RSPH14: variants seen among roughly 807,000 people sequenced by gnomAD.
RSPH14 encodes the protein rhabdoid tumor deletion region gene 1.
Under a neutral mutation model 26.7 loss-of-function variants are expected in RSPH14, and 20 were observed. That is an observed-to-expected ratio of 0.75 (90% CI 0.53 to 1.09). The LOEUF (loss-of-function observed/expected upper bound fraction) is 1.09. Ranked by LOEUF, RSPH14 falls within the 50% of genes least tolerant of loss-of-function variation. The pLI, the probability that RSPH14 is intolerant of heterozygous loss-of-function variation, is 0.00. For missense variants in RSPH14, 449 were observed against 457.2 expected (o/e 0.98, Z 0.16); for synonymous variants, 177 against 189.3 (o/e 0.93, Z 0.53).
At chr22:23,179,331 T>C in the RSPH14 span, among the ~76,000 whole-genome samples, 2 of 152,152 alleles carry the variant, frequency 1.3e-5, no homozygotes, top group Non-Finnish European at 2.9e-5. Flanking sequence ...CCTGTTTCCT[T>C]TTCCCCCAAC....
the RSPH14 span, among the ~76,000 whole-genome samples, chr22:23,176,563 C>G: frequency 6.6e-6 from 1 of 152,160 alleles, no homozygotes; most frequent in East Asian, 1.9e-4. Context: ...TTGACTCCGC[C>G]AGACTTTGTC....
At chr22:23,102,962 G>T (rs768227294) in intron 4 of RSPH14, among the ~76,000 whole-genome samples, 4 of 152,256 alleles carry the variant, frequency 2.6e-5, no homozygotes, top group Non-Finnish European at 5.9e-5. Context: ...GAAGGCAGGA[G>T]TCAGTCTCTT....
chr22:23,067,452 C>T (rs1425288236), intron 4 of RSPH14, among the ~76,000 whole-genome samples: 1 of 152,206 alleles, frequency 6.6e-6, no homozygotes, highest in Non-Finnish European at 1.5e-5. Context: ...ACTGCACATC[C>T]ACACATGGCA....
rs1446528057 is a variant in RSPH14, at chr22:23,092,883, C to T, written c.422-28750G>A. On this transcript the variant is annotated intron_variant, in intron 4 of 6. Coordinates refer to ENST00000216036, the MANE Select transcript of RSPH14 (RefSeq NM_014433.3). ...GAATTGAGAAGAACAGTCATGACAA[C>T]AGAGGACACCTCCCACTGGGTTGGA... Among the ~76,000 whole-genome samples the T allele has an allele frequency of 2.0e-5, 3 of 152,358 alleles. No individual in the cohort carries two copies. The East Asian group carries it at 5.8e-4, about 29-fold the overall frequency.
At chr22:23,066,762 G>A (rs189758657) in intron 4 of RSPH14, among the ~76,000 whole-genome samples, 185 of 152,262 alleles carry the variant, frequency 1.2e-3, no homozygotes, top group Non-Finnish European at 2.2e-3. Context: ...GGGGGTGGGG[G>A]GTGGTTGCAG....
intron 4 of RSPH14, among the ~76,000 whole-genome samples, chr22:23,067,380 G>A (rs963204190): frequency 3.3e-5 from 5 of 152,152 alleles, no homozygotes; most frequent in African/African-American, 1.2e-4. Context: ...AGCCAATGAG[G>A]GCTCAGGACA....
chr22:23,171,569 C>T, the RSPH14 span, among the ~76,000 whole-genome samples: 6 of 152,038 alleles, frequency 3.9e-5, no homozygotes, highest in East Asian at 1.9e-4. Context: ...TCATGCTGAG[C>T]GCGGTGGCTC....
chr22:23,110,749 A>G (rs921664662), intron 4 of RSPH14, among the ~76,000 whole-genome samples: 1 of 152,186 alleles, frequency 6.6e-6, no homozygotes, highest in African/African-American at 2.4e-5. Flanking sequence ...GTCTGCAGAG[A>G]GTTCATGCCA....
intron 4 of RSPH14, among the ~76,000 whole-genome samples, chr22:23,069,323 T>C (rs2068283160): frequency 6.6e-6 from 1 of 152,208 alleles, no homozygotes. Flanking sequence ...GCATTTGCAC[T>C]TTGTCAGGGA....
chr22:23,161,014 A>C, the RSPH14 span: 1 of 1,588,740 alleles, frequency 6.3e-7, no homozygotes, highest in African/African-American at 1.3e-5. Flanking sequence ...TATAGGTGTG[A>C]CTGGGTTGGG....
At chr22:23,060,868 G>A (rs1039337218) in intron 6 of RSPH14, among the ~76,000 whole-genome samples, 1 of 152,120 alleles carries the variant, frequency 6.6e-6, no homozygotes, top group Admixed American at 6.5e-5. Context: ...ATCTCCCTGG[G>A]TCTCAGCCTC....
chr22:23,091,459 T>TAC (rs150968445), intron 4 of RSPH14, among the ~76,000 whole-genome samples: 1 of 134,134 alleles, frequency 7.5e-6, no homozygotes, highest in Admixed American at 7.4e-5. Flanking sequence ...GTCCTATGCA[T>TAC]ACACACACAC....
chr22:23,153,023 T>TCC, the RSPH14 span: 1 of 1,605,534 alleles, frequency 6.2e-7, no homozygotes, highest in East Asian at 2.2e-5. Flanking sequence ...GACTTCCTCA[T>TCC]CCCCCACAGG....
At chr22:23,063,495 T>C (rs2068133750) in intron 5 of RSPH14, among the ~76,000 whole-genome samples, 2 of 152,192 alleles carry the variant, frequency 1.3e-5, no homozygotes, top group Non-Finnish European at 2.9e-5. Flanking sequence ...CACAAGACAC[T>C]GCCTCCTTTT....
At chr22:23,145,559 A>C, upstream of RSPH14, 2 of 1,598,266 alleles carry the variant, frequency 1.3e-6, no homozygotes, top group Non-Finnish European at 1.7e-6. Flanking sequence ...CTGGTGAGTC[A>C]GCTCGCCCAC....
At chr22:23,062,992 G>A (rs905005386) in intron 5 of RSPH14, among the ~76,000 whole-genome samples, 10 of 152,194 alleles carry the variant, frequency 6.6e-5, no homozygotes, top group African/African-American at 4.8e-5. Context: ...AGCTCCCCTC[G>A]GGGATGACAC....
chr22:23,123,407 T>A, intron 4 of RSPH14: 1 of 1,613,052 alleles, frequency 6.2e-7, no homozygotes, highest in East Asian at 2.2e-5. Context: ...TACAGAACAA[T>A]CTCAAGTACA....
At chr22:23,107,830 A>C (rs535849072) in intron 4 of RSPH14, among the ~76,000 whole-genome samples, 1 of 152,192 alleles carries the variant, frequency 6.6e-6, no homozygotes, top group East Asian at 1.9e-4. Flanking sequence ...CTGCTTATCA[A>C]ATGCCTCTTC....
At chr22:23,154,523 G>A in the RSPH14 span, among the ~76,000 whole-genome samples, 5 of 152,236 alleles carry the variant, frequency 3.3e-5, no homozygotes, top group African/African-American at 1.2e-4. Context: ...GGGATCCAGA[G>A]AGCTGAGAAG....
Sources: gnomAD v4.1 joint callset for allele counts (sites outside exome capture counted in the v4.1 genomes callset) on GRCh38, gnomAD v4.1.1 for gene constraint, MANE v1.5 for transcripts, NCBI Gene and HGNC (gene_info 2026-07-23, HGNC 2026-07-21) for gene names.